The following TMOD2 variants were observed in gnomAD, a reference collection of about 807,000 sequenced individuals.
TMOD2 encodes the protein tropomodulin-2.
A neutral mutation model predicts 39.9 loss-of-function variants in TMOD2; 22 were observed. The observed-to-expected ratio is 0.55, with a 90% confidence interval of 0.39 to 0.79. The LOEUF (loss-of-function observed/expected upper bound fraction) is 0.79. Ranked by LOEUF, TMOD2 falls within the 30% of genes least tolerant of loss-of-function variation. The pLI is 0.00. For missense variants in TMOD2, 386 were observed against 413.3 expected (o/e 0.93, Z 0.57); for synonymous variants, 123 against 146.1 (o/e 0.84, Z 1.14).
rs747980549 is a variant in TMOD2 at position 51,768,383 on chromosome 15, G to A, written c.248G>A (p.Arg83Lys). ...LEKEALEQKD[R>K]EDFVPFTGEK... ...AAGGAGGCTTTGGAACAGAAAGACA[G>A]AGAGGACTTTGTGCCCTTCACTGGA... is the stretch of plus-strand genomic sequence containing the variant. The change falls in exon 3 of 10, where the codon AGA (arginine) becomes AAA (lysine). Residue 83 changes from arginine (R) to lysine (K), a missense_variant. Arg to Lys is a conservative substitution (Grantham distance 26). Coordinates refer to ENST00000249700, the MANE Select transcript of TMOD2 (RefSeq NM_014548.4). 3 of 1,613,974 alleles carry A rather than the reference G, an allele frequency of 1.9e-6. No individual in the cohort carries two copies. In the Admixed American group the frequency reaches 5.0e-5, roughly 27 times the overall value.
intron 8 of TMOD2, among the ~76,000 whole-genome samples, chr15:51,801,782 A>G (rs2056092047): frequency 6.6e-6 from 1 of 152,080 alleles, no homozygotes; most frequent in Non-Finnish European, 1.5e-5. Flanking sequence ...ATTTGTTTCT[A>G]TTTTTCCCCC....
chr15:51,796,668 G>C (rs1178500319), intron 7 of TMOD2, among the ~76,000 whole-genome samples: 1 of 152,120 alleles, frequency 6.6e-6, no homozygotes, highest in Non-Finnish European at 1.5e-5. Flanking sequence ...ACTAATAATA[G>C]AACAATTATA....
At chr15:51,786,854 G>A (rs1595872649) in intron 7 of TMOD2, among the ~76,000 whole-genome samples, 1 of 152,182 alleles carries the variant, frequency 6.6e-6, no homozygotes, top group Non-Finnish European at 1.5e-5. Context: ...AACGTGAGAG[G>A]TCACTTCCAA....
intron 2 of TMOD2, chr15:51,766,821 G>A (rs886335806): frequency 3.5e-6 from 1 of 285,534 alleles, no homozygotes; most frequent in Non-Finnish European, 6.6e-6. Flanking sequence ...GGTTGAGAAA[G>A]GACTAGTCTT....
intron 5 of TMOD2, among the ~76,000 whole-genome samples, chr15:51,779,387 T>C (rs1467576594): frequency 6.8e-6 from 1 of 147,958 alleles, no homozygotes; most frequent in Non-Finnish European, 1.5e-5. Context: ...GTAGATAACT[T>C]TTTTTTTTTT....
intron 1 of TMOD2, among the ~76,000 whole-genome samples, chr15:51,763,183 C>T (rs2055793433): frequency 6.6e-6 from 1 of 152,230 alleles, no homozygotes; most frequent in African/African-American, 2.4e-5. Flanking sequence ...AAGAAATCCT[C>T]CTGCCTCAGC....
intron 7 of TMOD2, among the ~76,000 whole-genome samples, chr15:51,785,706 A>C (rs2055964979): frequency 6.6e-6 from 1 of 152,162 alleles, no homozygotes; most frequent in Non-Finnish European, 1.5e-5. Flanking sequence ...GAAGTTGGTT[A>C]AGAGGTACAA....
chr15:51,785,351 G>C (rs1004797326), intron 7 of TMOD2, among the ~76,000 whole-genome samples: 1 of 144,926 alleles, frequency 6.9e-6, no homozygotes, highest in Non-Finnish European at 1.5e-5. Context: ...GGTGGAGCTT[G>C]CAGTGAGCAG....
intron 5 of TMOD2, among the ~76,000 whole-genome samples, chr15:51,778,518 AAAG>A (rs1182138277): frequency 1.2e-4 from 18 of 147,478 alleles, no homozygotes; most frequent in Admixed American, 4.0e-4. Flanking sequence ...AAAAAAAAAA[AAAG>A]AAAGAAAGAA....
chr15:51,762,035 G>A (rs1190948606), intron 1 of TMOD2, among the ~76,000 whole-genome samples: 3 of 152,016 alleles, frequency 2.0e-5, no homozygotes, highest in South Asian at 2.1e-4. Context: ...TGTAGTCCCA[G>A]CTACTCAGGA....
At chr15:51,752,766 C>T (rs984470739) in intron 1 of TMOD2, 1 of 152,226 alleles carries the variant, frequency 6.6e-6, no homozygotes, top group Non-Finnish European at 1.5e-5. Context: ...ACAAGCGCCT[C>T]TACCCTAGTG....
At chr15:51,801,213 T>A (rs2056084719) in intron 8 of TMOD2, among the ~76,000 whole-genome samples, 1 of 137,166 alleles carries the variant, frequency 7.3e-6, no homozygotes, top group African/African-American at 2.9e-5. Context: ...ATTCATTCTC[T>A]CTCCCTCTCT....
Position 51,768,342 on chromosome 15 carries a change from C to G in TMOD2, c.207C>G (p.Leu69=). ...AATGPFDREH[L]LMYLEKEALE... ...CCGGCCCCTTTGACCGCGAGCACCT[C>G]CTCATGTACCTGGAGAAGGAGGCTT... Residue 69 remains leucine, a synonymous_variant, in exon 3 of 10, where the codon CTC becomes CTG. Coordinates refer to ENST00000249700, the MANE Select transcript of TMOD2 (RefSeq NM_014548.4). 6.2e-7 allele frequency: 1 copy of G among 1,614,198 alleles called. No homozygotes were observed. The highest frequency in any genetic ancestry group is 8.5e-7 in the Non-Finnish European group (1 of 1,180,032).
At chr15:51,768,769 A>T (rs920955055) in intron 3 of TMOD2, among the ~76,000 whole-genome samples, 6 of 152,136 alleles carry the variant, frequency 3.9e-5, no homozygotes, top group African/African-American at 1.4e-4. Context: ...AGGGTCAAGC[A>T]AGGGAACTGT....
At chr15:51,793,153 G>T (rs919513519) in intron 7 of TMOD2, among the ~76,000 whole-genome samples, 1 of 151,912 alleles carries the variant, frequency 6.6e-6, no homozygotes, top group Non-Finnish European at 1.5e-5. Context: ...TTACAATGGG[G>T]TTATGTCCAG....
chr15:51,758,278 C>A (rs1415525134), intron 1 of TMOD2, among the ~76,000 whole-genome samples: 1 of 152,096 alleles, frequency 6.6e-6, no homozygotes, highest in Non-Finnish European at 1.5e-5. Flanking sequence ...AATGTATTTT[C>A]CTACTGAAGT....
At chr15:51,801,889 C>T (rs12050524) in intron 8 of TMOD2, among the ~76,000 whole-genome samples, 57,411 of 151,344 alleles carry the variant, frequency 0.38, 11,058 homozygotes, top group Middle Eastern at 0.44. Flanking sequence ...CCCAGGAGTT[C>T]GAGTCCAGCC....
intron 1 of TMOD2, 116 bp downstream of exon 1, chr15:51,751,828 C>T (rs1192852036): frequency 1.3e-5 from 2 of 150,168 alleles, no homozygotes; most frequent in Admixed American, 6.6e-5. Context: ...TGCTCCGCGA[C>T]ATGGGCGGTC....
chr15:51,782,941 CAGTT>C, intron 7 of TMOD2, 113 bp downstream of exon 7: 1 of 922,566 alleles, frequency 1.1e-6, no homozygotes, highest in Non-Finnish European at 1.6e-6. Context: ...ACCTTCTACA[CAGTT>C]AGTGAGCAAA....
Sources: allele counts gnomAD v4.1 joint callset (sites outside exome capture counted in the v4.1 genomes callset), GRCh38; gene constraint gnomAD v4.1.1; transcripts MANE v1.5; gene names NCBI Gene and HGNC (gene_info 2026-07-23, HGNC 2026-07-21).